AK7: variants seen among roughly 807,000 people sequenced by gnomAD.
The protein encoded by AK7 is ATP-AMP transphosphorylase 7.
A neutral mutation model predicts 96.6 loss-of-function variants in AK7; 78 were observed. The observed-to-expected ratio is 0.81, with a 90% CI of 0.67 to 0.97. AK7 has a LOEUF of 0.97. AK7 is among the 50% of genes least tolerant of loss of function. AK7 has a pLI of 0.00. For synonymous variants in AK7, 302 were observed against 317.2 expected (o/e 0.95, Z 0.51); for missense variants, 855 against 887.9 (o/e 0.96, Z 0.47).
At chr14:96,469,394 G>T (rs556963064) in intron 12 of AK7, among the ~76,000 whole-genome samples, 1 of 152,108 alleles carries the variant, frequency 6.6e-6, no homozygotes, top group South Asian at 2.1e-4. Context: ...GCGTAGTGGT[G>T]CACACCTGTA....
intron 14 of AK7, among the ~76,000 whole-genome samples, chr14:96,473,034 A>T (rs1894983222): frequency 6.6e-6 from 1 of 152,042 alleles, no homozygotes; most frequent in Admixed American, 6.6e-5. Context: ...GTGAGCCGAG[A>T]TCCTGCCACT....
intron 2 of AK7, among the ~76,000 whole-genome samples, chr14:96,401,057 G>T (rs1214179765): frequency 6.6e-6 from 1 of 152,150 alleles, no homozygotes; most frequent in African/African-American, 2.4e-5. Context: ...CAGGTGTCCA[G>T]TCAGCCCCTC....
intron 12 of AK7, among the ~76,000 whole-genome samples, chr14:96,466,874 C>G (rs1210204809): frequency 2.0e-5 from 3 of 152,116 alleles, no homozygotes; most frequent in African/African-American, 7.2e-5. Flanking sequence ...TATTAAAATG[C>G]TGGCTTGATT....
chr14:96,465,543 A>T (rs1166064862), intron 12 of AK7, among the ~76,000 whole-genome samples: 1 of 152,150 alleles, frequency 6.6e-6, no homozygotes, highest in East Asian at 1.9e-4. Context: ...TGTCAAAGTA[A>T]AGGAAAACCG....
intron 16 of AK7, among the ~76,000 whole-genome samples, chr14:96,485,817 A>C (rs1895734986): frequency 7.3e-6 from 1 of 137,618 alleles, no homozygotes; most frequent in Admixed American, 7.5e-5. Context: ...TTTTTTTGAG[A>C]CGGAGTCTTG....
intron 4 of AK7, among the ~76,000 whole-genome samples, chr14:96,412,004 T>C (rs1231559191): frequency 1.3e-5 from 2 of 152,220 alleles, no homozygotes; most frequent in East Asian, 3.8e-4. Context: ...TGTCTCTTTG[T>C]CATTGTCACA....
Position 96,488,563 on chromosome 14 carries a change from C to T in AK7, c.*220C>T, listed in dbSNP as rs1895901504. 6.5e-6 allele frequency: 3 copies of T among 460,932 alleles called. No individual in the cohort carries two copies. Among genetic ancestry groups the T allele is most frequent in the African/African-American group, 2.0e-5 (1 of 51,226 alleles). The allele number at this position is 460,932 out of a possible 1,614,324, so 28.6% of individuals were successfully genotyped here. ...TTGATAAAGACATTTGTGCATAGCT[C>T]ATGAGACAAATACTGATTTAATATT... On this transcript the variant is annotated 3_prime_UTR_variant, in exon 18 of 18. Coordinates refer to ENST00000267584, the MANE Select transcript of AK7 (RefSeq NM_152327.5).
At chr14:96,471,194 T>C (rs1894863401) in intron 12 of AK7, among the ~76,000 whole-genome samples, 1 of 151,964 alleles carries the variant, frequency 6.6e-6, no homozygotes, top group South Asian at 2.1e-4. Context: ...CAGTGGGGCA[T>C]GGTGGCAAGC....
intron 13 of AK7, 97 bp from the exon 14 acceptor site, chr14:96,472,590 C>T (rs936183976): frequency 1.3e-4 from 107 of 842,872 alleles, no homozygotes; most frequent in Non-Finnish European, 3.8e-5. Context: ...GGCTAGTTTT[C>T]ATTAGTGCTT....
chr14:96,433,178 G>A (rs936119784), intron 5 of AK7, among the ~76,000 whole-genome samples: 2 of 152,116 alleles, frequency 1.3e-5, no homozygotes, highest in African/African-American at 2.4e-5. Flanking sequence ...GAGTATCTTT[G>A]TGGTGTTCTC....
intron 12 of AK7, among the ~76,000 whole-genome samples, chr14:96,468,297 T>C (rs1444725367): frequency 1.1e-3 from 90 of 80,540 alleles, no homozygotes; most frequent in Non-Finnish European, 2.0e-3. Flanking sequence ...CACTCTTTCC[T>C]TTTTTTTTTT....
chr14:96,420,472 C>T (rs1891614739), intron 4 of AK7, among the ~76,000 whole-genome samples: 3 of 151,728 alleles, frequency 2.0e-5, no homozygotes, highest in African/African-American at 7.2e-5. Flanking sequence ...TCCATCCAGT[C>T]TAGGAGGATG....
At chr14:96,466,405 T>A (rs919083858) in intron 12 of AK7, among the ~76,000 whole-genome samples, 1 of 151,622 alleles carries the variant, frequency 6.6e-6, no homozygotes, top group Non-Finnish European at 1.5e-5. Flanking sequence ...CCCGGCTAAT[T>A]TTTTTGTATT....
intron 12 of AK7, among the ~76,000 whole-genome samples, chr14:96,461,324 T>G (rs1595444558): frequency 2.0e-5 from 3 of 152,268 alleles, no homozygotes; most frequent in Admixed American, 6.5e-5. Context: ...GCTTACCTTT[T>G]GGGTGAGGTG....
intron 1 of AK7, 93 bp downstream of exon 1, chr14:96,392,352 A>G (rs1167767100): frequency 3.4e-6 from 4 of 1,182,906 alleles, no homozygotes; most frequent in Non-Finnish European, 4.9e-6. Context: ...TCTGCGCCCC[A>G]GGGCGCTGTC....
At chr14:96,423,901 A>G in intron 5 of AK7, 1 of 1,016,042 alleles carries the variant, frequency 9.8e-7, no homozygotes, top group Non-Finnish European at 1.6e-6. Context: ...GAGCCCACAT[A>G]ATCCGGAGAG....
intron 5 of AK7, among the ~76,000 whole-genome samples, chr14:96,423,176 T>A (rs1334178628): frequency 6.6e-6 from 1 of 152,192 alleles, no homozygotes; most frequent in African/African-American, 2.4e-5. Flanking sequence ...CAGAGTGAGA[T>A]ACTGACGCCT....
At chr14:96,431,232 G>A (rs780582459) in intron 5 of AK7, among the ~76,000 whole-genome samples, 19 of 151,958 alleles carry the variant, frequency 1.3e-4, no homozygotes, top group Non-Finnish European at 2.5e-4. Flanking sequence ...CTGATTTTTT[G>A]AAGGGTTTTT....
chr14:96,396,251 T>G (rs1359671141), intron 1 of AK7, among the ~76,000 whole-genome samples: 2 of 152,192 alleles, frequency 1.3e-5, no homozygotes, highest in Non-Finnish European at 2.9e-5. Flanking sequence ...ATTTTCTAGT[T>G]GGTCCTTAAT....
Sources: allele counts gnomAD v4.1 joint callset (sites outside exome capture counted in the v4.1 genomes callset), GRCh38; gene constraint gnomAD v4.1.1; transcripts MANE v1.5; gene names NCBI Gene and HGNC (gene_info 2026-07-23, HGNC 2026-07-21).